POLR3B: variants seen among roughly 807,000 people sequenced by gnomAD.
POLR3B encodes the protein DNA-directed RNA polymerase III subunit RPC2.
Under a neutral mutation model 147.4 loss-of-function variants are expected in POLR3B, and 96 were observed. The observed-to-expected ratio is 0.65, with a 90% confidence interval of 0.55 to 0.77. The LOEUF (loss-of-function observed/expected upper bound fraction) is 0.77, where lower values mean the gene tolerates loss of function less well. POLR3B is among the 30% of genes least tolerant of loss of function. POLR3B has a pLI of 0.00. For synonymous variants in POLR3B, 461 were observed against 485.9 expected, an observed-to-expected ratio of 0.95 and a Z score of 0.67; for missense variants, 1,036 against 1,413.5, an observed-to-expected ratio of 0.73 and a Z score of 4.28.
intron 23 of POLR3B, among the ~76,000 whole-genome samples, chr12:106,479,395 T>A (rs2038229958): frequency 6.7e-6 from 1 of 150,164 alleles, no homozygotes; most frequent in African/African-American, 2.4e-5. Context: ...TCTTTTTTTT[T>A]TTTGAGACAG....
At chr12:106,373,071 T>C (rs1305821006) in intron 6 of POLR3B, among the ~76,000 whole-genome samples, 1 of 152,236 alleles carries the variant, frequency 6.6e-6, no homozygotes, top group African/African-American at 2.4e-5. Context: ...TCCAGTTGTT[T>C]TGTGCCATTG....
chr12:106,377,014 A>G (rs546894935), intron 7 of POLR3B, among the ~76,000 whole-genome samples: 40 of 152,190 alleles, frequency 2.6e-4, no homozygotes, highest in African/African-American at 6.7e-4. Context: ...TTTTCTTTCT[A>G]TCTTTGCCCA....
At chr12:106,369,804 C>A in intron 6 of POLR3B, 121 bp downstream of exon 6, 1 of 711,764 alleles carries the variant, frequency 1.4e-6, no homozygotes. Flanking sequence ...AATGAGTCAG[C>A]ATGTGTAAAG....
intron 26 of POLR3B, 67 bp downstream of exon 26, chr12:106,501,503 T>C (rs1282546155): frequency 2.0e-6 from 2 of 996,840 alleles, no homozygotes; most frequent in South Asian, 1.4e-5. Flanking sequence ...TTTCCAGATA[T>C]GGCAAAAAGC....
At position 106,446,417 on chromosome 12, in the gene POLR3B, C is replaced by CAAAAAAA. The variant is rs10654233; in HGVS notation, c.2083+1839_2083+1845dup. 53 of 158,276 alleles carry CAAAAAAA rather than the reference C, an allele frequency of 3.3e-4. 1 individual carries two copies. Among genetic ancestry groups the CAAAAAAA allele is most frequent in the African/African-American group, 7.8e-4 (26 of 33,472 alleles). 9.8% of individuals were successfully genotyped at this position (158,276 alleles called of 1,614,324 possible). On this transcript the variant is annotated intron_variant, in intron 19 of 27. Transcript: ENST00000228347. ...TTTATTTTTATAACTCCTCTCCCCA[C>CAAAAAAA]AAAAAAAAAAAAAAAAAAGAAAAGA... is the stretch of plus-strand genomic sequence containing the variant.
Position 106,414,028 on chromosome 12 carries a change from T to A in POLR3B, c.1101+3068T>A, listed in dbSNP as rs374254869. On this transcript the variant is annotated intron_variant, in intron 12 of 27. Coordinates refer to ENST00000228347, the MANE Select transcript of POLR3B (RefSeq NM_018082.6). ...ATCATCTTATTTTGTGTGTTTTTTT[T>A]ATTTCTTCATAGATTTACATAGCTT... 1.1e-3 allele frequency among the ~76,000 whole-genome samples: 167 copies of A among 152,072 alleles called. 4 individuals are homozygous for A. The East Asian group carries it at 0.017, about 16-fold the overall frequency.
intron 25 of POLR3B, among the ~76,000 whole-genome samples, chr12:106,498,266 A>G (rs1469656466): frequency 6.6e-6 from 1 of 152,126 alleles, no homozygotes; most frequent in Non-Finnish European, 1.5e-5. Context: ...GGGAACAGGA[A>G]GAGGCCAGCC....
rs147905323 is a variant in POLR3B, at chr12:106,373,585, C to T, written c.405-2774C>T. Among the ~76,000 whole-genome samples, 434 of 152,154 alleles carry T rather than the reference C, an allele frequency of 2.9e-3. 3 individuals carry two copies. Among genetic ancestry groups the T allele is most frequent in the African/African-American group, 9.9e-3 (409 of 41,516 alleles). On this transcript the variant is annotated intron_variant, in intron 6 of 27. Coordinates refer to ENST00000228347, the MANE Select transcript of POLR3B (RefSeq NM_018082.6). ...CCTGGCCAACATAGTGAAACCTCAC[C>T]TCTACTAAAAATACAAAAATTAACT...
intron 10 of POLR3B, among the ~76,000 whole-genome samples, chr12:106,403,938 G>C (rs1286831976): frequency 2.0e-5 from 3 of 151,720 alleles, no homozygotes; most frequent in Non-Finnish European, 4.4e-5. Context: ...TTGTGCACAT[G>C]TACCCTAAAA....
At chr12:106,358,352 A>G (rs2136871144) in intron 1 of POLR3B, 1 of 666,128 alleles carries the variant, frequency 1.5e-6, no homozygotes, top group South Asian at 2.9e-5. Flanking sequence ...CTGTGGGGGT[A>G]AAACCAGATC....
chr12:106,461,663 G>T (rs931588091), intron 22 of POLR3B, among the ~76,000 whole-genome samples: 1 of 152,174 alleles, frequency 6.6e-6, no homozygotes, highest in African/African-American at 2.4e-5. Context: ...TGGGTATTCA[G>T]TAAATAGTTA....
At chr12:106,368,701 GTTCTT>G (rs910365988) in intron 4 of POLR3B, among the ~76,000 whole-genome samples, 18 of 152,088 alleles carry the variant, frequency 1.2e-4, no homozygotes, top group African/African-American at 4.3e-4. Flanking sequence ...ACTTACATTA[GTTCTT>G]TTCTTTATTT....
Position 106,358,121 on chromosome 12 carries a change from T to G in POLR3B, c.72+170T>G, listed in dbSNP as rs147800352. Reference sequence around the variant, plus strand: ...GCGAGTCTTTTTTCCAGAGCCGGCCTCCGCGTGCGCGAGTGAAGGCTGATC... The same window carrying G: ...GCGAGTCTTTTTTCCAGAGCCGGCCGCCGCGTGCGCGAGTGAAGGCTGATC... On this transcript the variant is annotated intron_variant, in intron 1 of 27. Transcript: ENST00000228347. The G allele has an allele frequency of 3.0e-5, 45 of 1,484,898 alleles. No homozygotes were observed. The East Asian group carries it at 1.1e-3, about 36-fold the overall frequency. 92.0% of individuals were successfully genotyped at this position (1,484,898 alleles called of 1,614,324 possible). A position where few individuals can be genotyped will look rare whatever the true frequency, so the allele number is the denominator to read the frequency against.
chr12:106,372,968 A>G (rs1314785837), intron 6 of POLR3B, among the ~76,000 whole-genome samples: 1 of 152,196 alleles, frequency 6.6e-6, no homozygotes, highest in African/African-American at 2.4e-5. Context: ...AAGACTTAAG[A>G]TTTCCCAATT....
rs182106880 is a variant in POLR3B at position 106,492,780 on chromosome 12, C to T, written c.2714-3275C>T. Among the ~76,000 whole-genome samples, 197 of 152,274 alleles carry T rather than the reference C, an allele frequency of 1.3e-3. 1 individual carries two copies. Among genetic ancestry groups the T allele is most frequent in the African/African-American group, 4.3e-3 (179 of 41,552 alleles). On this transcript the variant is annotated intron_variant, in intron 23 of 27. Coordinates refer to ENST00000228347, the MANE Select transcript of POLR3B (RefSeq NM_018082.6). The stretch of plus-strand genomic sequence containing the variant: ...TCAGATTTAGACTCCCTCAATTCTT[C>T]CCCTTTACAACTAGAAATTAAGATG...
chr12:106,504,803 G>A lies in POLR3B; in HGVS notation c.3272+549G>A, dbSNP rs955660158. ...TGTAGATTCTGTGAGGGCAGAAACC[G>A]GGTCTGTCTCAGTAATTTATTCAGC... On this transcript the variant is annotated intron_variant, in intron 27 of 27. Coordinates refer to ENST00000228347, the MANE Select transcript of POLR3B (RefSeq NM_018082.6). The surrounding 1 kb of genome is among the most constrained non-coding windows in gnomAD (Gnocchi z 4.6). 3.3e-5 allele frequency among the ~76,000 whole-genome samples: 5 copies of A among 152,144 alleles called. No homozygotes were observed. The highest frequency in any genetic ancestry group is 1.9e-4 in the East Asian group (1 of 5,190).
At chr12:106,445,540 G>A (rs2037710796) in intron 19 of POLR3B, among the ~76,000 whole-genome samples, 1 of 152,024 alleles carries the variant, frequency 6.6e-6, no homozygotes, top group East Asian at 1.9e-4. Context: ...ATGTTGAGGA[G>A]TTTGAGTTTT....
intron 12 of POLR3B, among the ~76,000 whole-genome samples, chr12:106,412,406 C>G (rs762423404): frequency 6.6e-6 from 1 of 152,180 alleles, no homozygotes. Context: ...TAGCTCAGAT[C>G]TTTTTCTTTT....
chr12:106,499,846 G>T lies in POLR3B; in HGVS notation c.2985-1477G>T, dbSNP rs141365222. Among the ~76,000 whole-genome samples the T allele has an allele frequency of 1.5e-3, 225 of 152,360 alleles. 1 individual carries two copies. The highest frequency in any genetic ancestry group is 5.0e-3 in the African/African-American group (210 of 41,588). The stretch of plus-strand genomic sequence containing the variant: ...TGTGCTGAAGTCAGCAGAATGGCCT[G>T]ATGACCACAAAAGCCTTGGCTCAGG... On this transcript the variant is annotated intron_variant, in intron 25 of 27. Transcript: ENST00000228347.
Sources: allele counts gnomAD v4.1 joint callset (sites outside exome capture counted in the v4.1 genomes callset), GRCh38; gene constraint gnomAD v4.1.1; non-coding constraint Gnocchi (gnomAD v3.1); transcripts MANE v1.5; gene names NCBI Gene and HGNC (gene_info 2026-07-23, HGNC 2026-07-21).